Variants in CNTN5 observed in about 807,000 individuals in gnomAD.
The protein encoded by CNTN5 is contactin 5, also known as contactin-5.
Under a neutral mutation model 129.1 loss-of-function variants are expected in CNTN5, and 77 were observed. That is an observed-to-expected ratio of 0.60 (90% confidence interval 0.50 to 0.72). The LOEUF is 0.72. Ranked by LOEUF, CNTN5 falls within the 30% of genes least tolerant of loss-of-function variation. The pLI is 0.00. For synonymous variants in CNTN5, 509 were observed against 465.6 expected (o/e 1.09, Z -1.20); for missense variants, 1,478 against 1,328.8 (o/e 1.11, Z -1.75).
At chr11:99,768,439 A>C (rs1293273925) in intron 3 of CNTN5, among the ~76,000 whole-genome samples, 1 of 152,154 alleles carries the variant, frequency 6.6e-6, no homozygotes, top group East Asian at 1.9e-4. Flanking sequence ...TCTCATAGAC[A>C]GTCCATATTC....
intron 1 of CNTN5, among the ~76,000 whole-genome samples, chr11:99,239,536 T>C (rs1397112299): frequency 6.6e-6 from 1 of 152,200 alleles, no homozygotes; most frequent in Non-Finnish European, 1.5e-5. Flanking sequence ...TTCTGTAAAC[T>C]AACTGTAGCT....
intron 1 of CNTN5, among the ~76,000 whole-genome samples, chr11:99,201,045 TC>T (rs1859153596): frequency 7.6e-6 from 1 of 132,194 alleles, no homozygotes; most frequent in Non-Finnish European, 1.7e-5. Flanking sequence ...TTTTTTTTTT[TC>T]CAGAGTCTTG....
chr11:99,239,190 G>T (rs371262465), intron 1 of CNTN5, among the ~76,000 whole-genome samples: 1 of 152,034 alleles, frequency 6.6e-6, no homozygotes, highest in South Asian at 2.1e-4. Flanking sequence ...AAGACTATAA[G>T]TACTCAAACT....
chr11:99,215,754 A>G (rs188885759), intron 1 of CNTN5, among the ~76,000 whole-genome samples: 9 of 152,316 alleles, frequency 5.9e-5, no homozygotes, highest in East Asian at 5.8e-4. Context: ...AGTTTGCTCT[A>G]CTACTCTCTC....
At chr11:99,656,635 C>T (rs1952376321) in intron 3 of CNTN5, among the ~76,000 whole-genome samples, 3 of 152,074 alleles carry the variant, frequency 2.0e-5, no homozygotes, top group African/African-American at 7.2e-5. Context: ...GCAAGGTACC[C>T]AGGAAGCTGG....
At chr11:99,664,052 A>C (rs746028904) in intron 3 of CNTN5, among the ~76,000 whole-genome samples, 1 of 152,152 alleles carries the variant, frequency 6.6e-6, no homozygotes, top group Non-Finnish European at 1.5e-5. Context: ...ACAGTATTGG[A>C]ACGGCGCGGG....
chr11:99,637,208 T>C (rs1951595690), intron 3 of CNTN5, among the ~76,000 whole-genome samples: 1 of 151,318 alleles, frequency 6.6e-6, no homozygotes, highest in Non-Finnish European at 1.5e-5. Flanking sequence ...GTAGCAAAAT[T>C]TTAGAAACAA....
intron 21 of CNTN5, among the ~76,000 whole-genome samples, chr11:100,336,664 A>G (rs1236054694): frequency 6.6e-6 from 1 of 152,236 alleles, no homozygotes; most frequent in East Asian, 1.9e-4. Flanking sequence ...GAAACAAACT[A>G]AATAAAGAGA....
intron 4 of CNTN5, among the ~76,000 whole-genome samples, chr11:99,833,596 T>TA (rs1295190931): frequency 1.3e-5 from 2 of 152,182 alleles, no homozygotes; most frequent in Non-Finnish European, 2.9e-5. Context: ...TTAGTTGAAT[T>TA]AAATGCATTT....
intron 3 of CNTN5, among the ~76,000 whole-genome samples, chr11:99,754,185 A>G (rs1379704719): frequency 6.6e-6 from 1 of 152,184 alleles, no homozygotes; most frequent in African/African-American, 2.4e-5. Context: ...TGTCCATGCT[A>G]TATGACTTGT....
At chr11:99,326,522 T>C (rs950259899) in intron 2 of CNTN5, among the ~76,000 whole-genome samples, 1 of 152,186 alleles carries the variant, frequency 6.6e-6, no homozygotes, top group African/African-American at 2.4e-5. Flanking sequence ...AGCAGTTCTT[T>C]TGGAAGATGT....
intron 3 of CNTN5, among the ~76,000 whole-genome samples, chr11:99,793,320 A>C (rs915079648): frequency 6.6e-6 from 1 of 152,114 alleles, no homozygotes; most frequent in African/African-American, 2.4e-5. Context: ...CGGCCTCCCA[A>C]AGTGCTGGGA....
At chr11:99,407,763 C>G (rs997914077) in intron 2 of CNTN5, among the ~76,000 whole-genome samples, 12 of 152,196 alleles carry the variant, frequency 7.9e-5, no homozygotes, top group Non-Finnish European at 1.6e-4. Flanking sequence ...TAACTCCCCC[C>G]TCACTAGGAC....
intron 2 of CNTN5, among the ~76,000 whole-genome samples, chr11:99,554,643 A>T (rs1565289998): frequency 6.6e-6 from 1 of 152,144 alleles, no homozygotes; most frequent in Non-Finnish European, 1.5e-5. Context: ...GTTAAGCCAA[A>T]GCTATATTAC....
intron 3 of CNTN5, among the ~76,000 whole-genome samples, chr11:99,735,339 T>C (rs578062562): frequency 2.6e-5 from 4 of 152,340 alleles, no homozygotes; most frequent in Non-Finnish European, 5.9e-5. Flanking sequence ...TTTTCTTACA[T>C]ATTTTCTCAA....
intron 3 of CNTN5, among the ~76,000 whole-genome samples, chr11:99,559,911 T>C (rs1388500660): frequency 6.6e-6 from 1 of 152,124 alleles, no homozygotes; most frequent in Admixed American, 6.6e-5. Flanking sequence ...TATTAATGGA[T>C]TCTATATACA....
At chr11:99,955,924 C>T (rs943884084) in intron 7 of CNTN5, among the ~76,000 whole-genome samples, 5 of 152,000 alleles carry the variant, frequency 3.3e-5, no homozygotes, top group Admixed American at 2.0e-4. Flanking sequence ...ATGTTCAACT[C>T]GTCATTGAAA....
chr11:99,213,412 G>A (rs1211375000), intron 1 of CNTN5, among the ~76,000 whole-genome samples: 1 of 124,714 alleles, frequency 8.0e-6, no homozygotes, highest in African/African-American at 2.8e-5. Flanking sequence ...ACACATATAT[G>A]TATATACATA....
intron 3 of CNTN5, among the ~76,000 whole-genome samples, chr11:99,600,606 T>TG (rs1235845550): frequency 2.0e-5 from 3 of 152,074 alleles, no homozygotes; most frequent in African/African-American, 7.2e-5. Context: ...TCCGGAGGAT[T>TG]GGGGTACTGT....
Sources: gnomAD v4.1 joint callset for allele counts (sites outside exome capture counted in the v4.1 genomes callset) on GRCh38, gnomAD v4.1.1 for gene constraint, MANE v1.5 for transcripts, NCBI Gene and HGNC (gene_info 2026-07-23, HGNC 2026-07-21) for gene names.